Variants in JAKMIP3 observed in about 807,000 individuals in gnomAD.
The protein encoded by JAKMIP3 is Janus kinase and microtubule interacting protein 3, also known as janus kinase and microtubule-interacting protein 3.
A neutral mutation model predicts 118.5 loss-of-function variants in JAKMIP3; 58 were observed. The observed-to-expected ratio is 0.49, with a 90% CI of 0.40 to 0.61. JAKMIP3 has a LOEUF of 0.61. Among genes scored for constraint, JAKMIP3 ranks in the 20% least tolerant of loss-of-function variants. JAKMIP3 has a pLI of 0.00. For missense variants in JAKMIP3, 950 were observed against 1,109.0 expected, an observed-to-expected ratio of 0.86 and a Z score of 2.04; for synonymous variants, 486 against 451.2, an observed-to-expected ratio of 1.08 and a Z score of -0.98.
chr10:132,123,918 G>A (rs1430054198), intron 3 of JAKMIP3, among the ~76,000 whole-genome samples: 1 of 152,238 alleles, frequency 6.6e-6, no homozygotes, highest in Non-Finnish European at 1.5e-5. Context: ...CACGGTCCTG[G>A]CTGTGGATGT....
chr10:132,082,972 AAT>A, intron 1 of JAKMIP3, among the ~76,000 whole-genome samples: 1 of 152,274 alleles, frequency 6.6e-6, no homozygotes, highest in South Asian at 2.1e-4. Context: ...ACATTTTTGC[AAT>A]TGTGAATTGT....
rs957808045 is a variant in JAKMIP3 at position 132,184,578 on chromosome 10, C to G, written c.*3325C>G. ...AACCGGGCCTGTTTTCTTACGGCGGCATGCCAGGTAGTGTGTGTATTCTCC... is the reference window on the plus strand; with the variant it reads ...AACCGGGCCTGTTTTCTTACGGCGGGATGCCAGGTAGTGTGTGTATTCTCC... On this transcript the variant is annotated 3_prime_UTR_variant, in exon 24 of 24. Coordinates refer to ENST00000684848, the MANE Select transcript of JAKMIP3 (RefSeq NM_001323087.2). 3.9e-5 allele frequency: 6 copies of G among 152,212 alleles called. No individual in the cohort carries two copies. The highest frequency in any genetic ancestry group is 7.3e-5 in the Non-Finnish European group (5 of 68,040). 9.4% of individuals were successfully genotyped at this position (152,212 alleles called of 1,614,324 possible).
intron 13 of JAKMIP3, among the ~76,000 whole-genome samples, chr10:132,145,795 T>G (rs908900013): frequency 6.6e-6 from 1 of 152,036 alleles, no homozygotes; most frequent in Non-Finnish European, 1.5e-5. Flanking sequence ...TTCTCCTGGG[T>G]CCTGTTCTCC....
intron 1 of JAKMIP3, among the ~76,000 whole-genome samples, chr10:132,091,119 T>G (rs2043036561): frequency 6.6e-6 from 1 of 152,214 alleles, no homozygotes; most frequent in South Asian, 2.1e-4. Flanking sequence ...TGAGTTCCAG[T>G]TTGATTGCAC....
At chr10:132,103,473 TGGAGGGGAAGAGCAC>T (rs2045403621) in intron 1 of JAKMIP3, among the ~76,000 whole-genome samples, 1 of 20,908 alleles carries the variant, frequency 4.8e-5, no homozygotes, top group African/African-American at 3.1e-4. Flanking sequence ...GAGGAGCAGC[TGGAGGGGAAGAGCAC>T]CTGGGGGAGA....
rs1565022164 is a variant in JAKMIP3 at position 132,180,759 on chromosome 10, G to GTGTA, written c.*1104-1598_*1104-1597insTGTA. ...TGTGCGTGCGTGCGCGCGCGTGTGT[G>GTGTA]CGTGTGTGTGCGTGTGTGTGTGTGC... On this transcript the variant is annotated intron_variant, in intron 23 of 23. Coordinates refer to ENST00000684848, the MANE Select transcript of JAKMIP3 (RefSeq NM_001323087.2). Among the ~76,000 whole-genome samples, 9 of 32,252 alleles carry GTGTA rather than the reference G, an allele frequency of 2.8e-4. 1 individual carries two copies. The highest frequency in any genetic ancestry group is 1.2e-3 in the African/African-American group (8 of 6,718). 21.2% of individuals were successfully genotyped at this position (32,252 alleles called of 152,430 possible). A position where few individuals can be genotyped will look rare whatever the true frequency, so the allele number is the denominator to read the frequency against.
intron 1 of JAKMIP3, among the ~76,000 whole-genome samples, chr10:132,090,533 A>G (rs1564885182): frequency 6.6e-6 from 1 of 152,108 alleles, no homozygotes; most frequent in Non-Finnish European, 1.5e-5. Flanking sequence ...GGTAGTTTGT[A>G]TTTCTGTGGG....
intron 23 of JAKMIP3, among the ~76,000 whole-genome samples, chr10:132,174,388 T>TGGTGGGCTC (rs1214359505): frequency 6.6e-6 from 1 of 152,038 alleles, no homozygotes; most frequent in Non-Finnish European, 1.5e-5. Flanking sequence ...TCTGTGGGCT[T>TGGTGGGCTC]GGTGGGCTCA....
At chr10:132,060,367 GAC>G (rs1354677132), upstream of JAKMIP3, among the ~76,000 whole-genome samples, 1 of 152,220 alleles carries the variant, frequency 6.6e-6, no homozygotes, top group African/African-American at 2.4e-5. Flanking sequence ...GCTCTGAAGA[GAC>G]AGGGAGAGAA....
intron 9 of JAKMIP3, among the ~76,000 whole-genome samples, chr10:132,138,467 C>T (rs1300579310): frequency 2.6e-5 from 4 of 151,364 alleles, no homozygotes; most frequent in Non-Finnish European, 4.4e-5. Flanking sequence ...ACCGCGCCCG[C>T]GTGTGTGGAG....
upstream of JAKMIP3, among the ~76,000 whole-genome samples, chr10:132,062,385 T>C (rs1031408359): frequency 2.0e-5 from 3 of 152,156 alleles, no homozygotes; most frequent in African/African-American, 7.2e-5. Flanking sequence ...CCTGAGCAGA[T>C]GGGCCTGAGA....
chr10:132,114,840 T>C (rs1258409145), intron 2 of JAKMIP3, among the ~76,000 whole-genome samples: 3 of 152,138 alleles, frequency 2.0e-5, no homozygotes, highest in Admixed American at 1.3e-4. Context: ...TCATCAAAAG[T>C]GTTGGTTTTT....
chr10:132,175,334 A>G (rs1376624760), intron 23 of JAKMIP3, among the ~76,000 whole-genome samples: 1 of 152,142 alleles, frequency 6.6e-6, no homozygotes, highest in Admixed American at 6.5e-5. Flanking sequence ...ATGTCCACCC[A>G]AGAACATCCT....
intron 1 of JAKMIP3, among the ~76,000 whole-genome samples, chr10:132,094,000 T>G (rs2043485624): frequency 6.8e-6 from 1 of 147,894 alleles, no homozygotes; most frequent in Non-Finnish European, 1.5e-5. Flanking sequence ...TGCAGTGGTG[T>G]GATCTCAGCT....
chr10:132,153,559 TC>T (rs1356524027), intron 17 of JAKMIP3, among the ~76,000 whole-genome samples, 199 bp from the exon 18 acceptor site: 1 of 151,338 alleles, frequency 6.6e-6, no homozygotes, highest in African/African-American at 2.4e-5. Context: ...GGGGTAGACT[TC>T]CTGGACACCT....
chr10:132,069,657 C>T (rs865923780), intron 1 of JAKMIP3, among the ~76,000 whole-genome samples: 5 of 152,106 alleles, frequency 3.3e-5, no homozygotes, highest in Admixed American at 2.0e-4. Flanking sequence ...CATTAAAGAG[C>T]GCAATTGGCA....
At chr10:132,069,055 G>T (rs1564862740) in intron 1 of JAKMIP3, among the ~76,000 whole-genome samples, 1 of 152,126 alleles carries the variant, frequency 6.6e-6, no homozygotes, top group Non-Finnish European at 1.5e-5. Flanking sequence ...TAGCTGGACT[G>T]GTCCAATGTG....
At chr10:132,148,179 G>C (rs2055030743) in intron 14 of JAKMIP3, 129 bp downstream of exon 14, 1 of 579,802 alleles carries the variant, frequency 1.7e-6, no homozygotes, top group Admixed American at 3.3e-5. Flanking sequence ...GCTGCGTCAG[G>C]GAGGAAAGAG....
intron 1 of JAKMIP3, among the ~76,000 whole-genome samples, chr10:132,078,805 C>G (rs925892020): frequency 1.7e-4 from 26 of 152,190 alleles, no homozygotes; most frequent in Non-Finnish European, 3.1e-4. Flanking sequence ...TCCCTTGGCC[C>G]GGCCGCCAGA....
Sources: gnomAD v4.1 joint callset for allele counts (sites outside exome capture counted in the v4.1 genomes callset) on GRCh38, gnomAD v4.1.1 for gene constraint, MANE v1.5 for transcripts, NCBI Gene and HGNC (gene_info 2026-07-23, HGNC 2026-07-21) for gene names.